MAST4: variants seen among roughly 807,000 people sequenced by gnomAD.
MAST4 encodes the protein microtubule associated serine/threonine kinase family member 4, also known as microtubule-associated serine/threonine-protein kinase 4.
Under a neutral mutation model 162.7 loss-of-function variants are expected in MAST4, and 89 were observed. The ratio of observed to expected loss-of-function variants is 0.55; its 90% CI spans 0.46 to 0.65. The LOEUF is 0.65. MAST4 is among the 30% of genes least tolerant of loss of function. The probability of loss-of-function intolerance (pLI) is 0.00; values close to 1 mark genes in which losing one functional copy is unlikely to be tolerated. For missense variants in MAST4, 3,153 were observed against 3,374.0 expected (o/e 0.93, Z 1.62); for synonymous variants, 1,479 against 1,361.1 (o/e 1.09, Z -1.91).
chr5:66,649,686 C>G (rs935564064), intron 1 of MAST4, among the ~76,000 whole-genome samples: 1 of 152,134 alleles, frequency 6.6e-6, no homozygotes, highest in Non-Finnish European at 1.5e-5. Flanking sequence ...TGCCTTTGTT[C>G]TTTCTGCTGC....
intron 3 of MAST4, among the ~76,000 whole-genome samples, chr5:66,879,900 G>T (rs1003482565): frequency 2.6e-5 from 4 of 152,192 alleles, no homozygotes; most frequent in African/African-American, 9.7e-5. Flanking sequence ...CAAAATACAT[G>T]TACCTTTTGA....
At chr5:66,677,650 A>C (rs1748039131) in intron 1 of MAST4, among the ~76,000 whole-genome samples, 2 of 152,304 alleles carry the variant, frequency 1.3e-5, no homozygotes, top group Middle Eastern at 6.8e-3. Flanking sequence ...GGAGCTTGGG[A>C]TGCCCAGAGC....
chr5:66,997,606 T>A (rs1295746090), intron 4 of MAST4, among the ~76,000 whole-genome samples: 1 of 152,124 alleles, frequency 6.6e-6, no homozygotes, highest in Admixed American at 6.5e-5. Flanking sequence ...TAATTTTTTG[T>A]ATTTTTAGTA....
At chr5:67,034,410 A>G (rs943864192) in intron 4 of MAST4, among the ~76,000 whole-genome samples, 5 of 152,168 alleles carry the variant, frequency 3.3e-5, no homozygotes, top group East Asian at 3.8e-4. Flanking sequence ...GGGTTACGTA[A>G]CAATGATTTC....
intron 9 of MAST4, among the ~76,000 whole-genome samples, chr5:67,103,740 G>A (rs538200981): frequency 2.6e-5 from 4 of 152,284 alleles, no homozygotes; most frequent in South Asian, 2.1e-4. Flanking sequence ...AACCTAGCCC[G>A]AAAGATACAT....
chr5:66,632,913 T>C (rs748170295), intron 1 of MAST4, among the ~76,000 whole-genome samples: 6 of 152,122 alleles, frequency 3.9e-5, no homozygotes, highest in Non-Finnish European at 2.9e-5. Context: ...AATACACAAA[T>C]ACACATAATA....
intron 1 of MAST4, among the ~76,000 whole-genome samples, chr5:66,607,385 G>A (rs1742962088): frequency 6.6e-6 from 1 of 152,204 alleles, no homozygotes; most frequent in African/African-American, 2.4e-5. Context: ...TTCTACAAAT[G>A]AAAGAGTTTG....
Position 67,164,031 on chromosome 5 carries a change from G to A in MAST4, c.4852G>A (p.Gly1618Ser), listed in dbSNP as rs372290652. 6.3e-7 allele frequency: 1 copy of A among 1,585,366 alleles called. No homozygotes were observed. Among genetic ancestry groups the A allele is most frequent in the Non-Finnish European group, 8.6e-7 (1 of 1,165,518 alleles). The change falls in exon 29 of 29, where the codon GGT becomes AGT. Residue 1618 changes from glycine (G) to serine (S), a missense_variant. Transcript: ENST00000403625. This position sits in a 1 kb window ranked among gnomAD's most constrained non-coding sequence, Gnocchi z 5.3. ...HKQASVRASE[G>S]AMSDGRVPAE... is the part of the protein sequence containing the mutation. ...GCAGGCCAGCGTGCGCGCCAGCGAG[G>A]GTGCGATGTCGGATGGCCGGGTGCC... is the stretch of plus-strand genomic sequence containing the variant.
chr5:66,934,388 C>T (rs1742492012), intron 4 of MAST4, among the ~76,000 whole-genome samples: 1 of 152,032 alleles, frequency 6.6e-6, no homozygotes, highest in South Asian at 2.1e-4. Context: ...GATCTTTTCT[C>T]ATTAGCTCAG....
At chr5:66,707,497 A>G (rs986183450) in intron 1 of MAST4, among the ~76,000 whole-genome samples, 4 of 152,208 alleles carry the variant, frequency 2.6e-5, no homozygotes, top group African/African-American at 4.8e-5. Flanking sequence ...TTCAAGATCA[A>G]GGTGCGAGCA....
intron 10 of MAST4, among the ~76,000 whole-genome samples, chr5:67,107,186 C>T (rs1275699931): frequency 2.6e-5 from 4 of 152,092 alleles, no homozygotes; most frequent in African/African-American, 9.7e-5. Context: ...TTTTTCATTC[C>T]TTTATAGGCA....
At chr5:67,047,053 G>A (rs146157822) in intron 4 of MAST4, among the ~76,000 whole-genome samples, 1 of 152,192 alleles carries the variant, frequency 6.6e-6, no homozygotes. Context: ...GTACAAAAGA[G>A]CACAGACTGA....
At chr5:67,055,999 GATAT>G (rs59787536) in intron 5 of MAST4, among the ~76,000 whole-genome samples, 19 of 145,500 alleles carry the variant, frequency 1.3e-4, no homozygotes, top group African/African-American at 4.3e-4. Flanking sequence ...TTTGTTTAGG[GATAT>G]ATATATATAT....
intron 10 of MAST4, among the ~76,000 whole-genome samples, chr5:67,107,206 A>C (rs565838707): frequency 1.3e-5 from 2 of 152,282 alleles, no homozygotes; most frequent in East Asian, 1.9e-4. Context: ...ATGCCCTGAA[A>C]AGGGTAGGAT....
intron 4 of MAST4, among the ~76,000 whole-genome samples, chr5:66,932,468 T>G (rs1360821952): frequency 6.6e-6 from 1 of 152,198 alleles, no homozygotes; most frequent in Non-Finnish European, 1.5e-5. Context: ...AATAACAGTT[T>G]GTTTTCTCAT....
At position 67,028,544 on chromosome 5, in the gene MAST4, G is replaced by A. The variant is rs370239558; in HGVS notation, c.675-25860G>A. 4.7e-4 allele frequency among the ~76,000 whole-genome samples: 71 copies of A among 152,224 alleles called. No individual in the cohort carries two copies. In the South Asian group the frequency reaches 0.014, roughly 30 times the overall value. The stretch of plus-strand genomic sequence containing the variant: ...TGATGCCACAAGCAGGCTGGTGACC[G>A]TGAGAATGAAGGGAGACGCTCAGGA... On this transcript the variant is annotated intron_variant, in intron 4 of 28. Transcript: ENST00000403625.
At chr5:67,107,149 T>G (rs763361675) in intron 10 of MAST4, among the ~76,000 whole-genome samples, 1 of 152,222 alleles carries the variant, frequency 6.6e-6, no homozygotes, top group Non-Finnish European at 1.5e-5. Context: ...CCCAGGATAT[T>G]ACCATAGTTA....
At chr5:66,793,495 G>T (rs1053729577) in intron 3 of MAST4, among the ~76,000 whole-genome samples, 2 of 152,132 alleles carry the variant, frequency 1.3e-5, no homozygotes, top group East Asian at 1.9e-4. Flanking sequence ...CTGCTTTCTG[G>T]CAAGAAAGAT....
rs147112741 is a variant in MAST4 at position 67,109,206 on chromosome 5, A to G, written c.1357-892A>G. 7.6e-4 allele frequency among the ~76,000 whole-genome samples: 115 copies of G among 152,248 alleles called. 1 individual carries two copies. The highest frequency in any genetic ancestry group is 2.4e-3 in the African/African-American group (98 of 41,556). Reference sequence around the variant, plus strand: ...TAGGTGCCTAGGTATTATTTATTCAATGTGTGAAACTGGATTCACATTTAT... The same window carrying G: ...TAGGTGCCTAGGTATTATTTATTCAGTGTGTGAAACTGGATTCACATTTAT... On this transcript the variant is annotated intron_variant, in intron 10 of 28. Transcript: ENST00000403625.
Sources: allele counts gnomAD v4.1 joint callset (sites outside exome capture counted in the v4.1 genomes callset), GRCh38; gene constraint gnomAD v4.1.1; non-coding constraint Gnocchi (gnomAD v3.1); transcripts MANE v1.5; gene names NCBI Gene and HGNC (gene_info 2026-07-23, HGNC 2026-07-21).